LAMA2: variants seen among roughly 807,000 people sequenced by gnomAD.
LAMA2 encodes the protein laminin subunit alpha 2.
In LAMA2, 269 loss-of-function variants were observed where a neutral mutation model predicts 364.8. The ratio of observed to expected loss-of-function variants is 0.74; its 90% confidence interval spans 0.67 to 0.82. The LOEUF is 0.82. Ranked by LOEUF, LAMA2 falls within the 40% of genes least tolerant of loss-of-function variation. The pLI is 0.00. For synonymous variants in LAMA2, 1,379 were observed against 1,370.6 expected, an observed-to-expected ratio of 1.01 and a Z score of -0.14; for missense variants, 3,807 against 3,873.2, an observed-to-expected ratio of 0.98 and a Z score of 0.45.
intron 10 of LAMA2, among the ~76,000 whole-genome samples, chr6:129,179,033 A>C (rs1780777417): frequency 6.6e-6 from 1 of 152,116 alleles, no homozygotes; most frequent in Non-Finnish European, 1.5e-5. Context: ...GAATGTAGTA[A>C]ATTTTCTAAT....
intron 32 of LAMA2, among the ~76,000 whole-genome samples, chr6:129,363,332 G>T (rs1232492590): frequency 6.6e-6 from 1 of 152,048 alleles, no homozygotes; most frequent in Non-Finnish European, 1.5e-5. Flanking sequence ...AAATACTGAT[G>T]GTTAGACCTT....
At chr6:128,929,001 G>A (rs1779271701) in intron 1 of LAMA2, 4 of 1,302,188 alleles carry the variant, frequency 3.1e-6, no homozygotes, top group Non-Finnish European at 4.4e-6. Context: ...AGCAGAAGGA[G>A]TTAGATGAAG....
chr6:129,497,205 A>C (rs1785255189), intron 58 of LAMA2, among the ~76,000 whole-genome samples: 1 of 151,874 alleles, frequency 6.6e-6, no homozygotes, highest in Non-Finnish European at 1.5e-5. Flanking sequence ...GTCCTCTATA[A>C]TTTTCACTTC....
At chr6:128,902,294 A>T (rs752061228) in intron 1 of LAMA2, among the ~76,000 whole-genome samples, 6 of 152,228 alleles carry the variant, frequency 3.9e-5, no homozygotes, top group Non-Finnish European at 8.8e-5. Context: ...ACAGAATGCC[A>T]CTTTCCTATT....
intron 1 of LAMA2, among the ~76,000 whole-genome samples, chr6:129,021,907 A>T (rs982696105): frequency 3.9e-5 from 6 of 152,218 alleles, no homozygotes; most frequent in Non-Finnish European, 8.8e-5. Context: ...ACTCCTCCAG[A>T]ATGTGGTTTT....
At chr6:128,984,395 G>A (rs1421281738) in intron 1 of LAMA2, among the ~76,000 whole-genome samples, 3 of 152,032 alleles carry the variant, frequency 2.0e-5, no homozygotes, top group Admixed American at 6.6e-5. Context: ...CTCTTCTTAA[G>A]GGCCCATTCG....
chr6:129,410,731 TAG>T (rs1780496270), intron 40 of LAMA2, among the ~76,000 whole-genome samples: 226 of 39,314 alleles, frequency 5.7e-3, no homozygotes, highest in African/African-American at 0.033. Context: ...GATAGATAGA[TAG>T]ATAGATAGAT....
chr6:129,138,899 A>C (rs562011981), intron 4 of LAMA2, among the ~76,000 whole-genome samples: 1 of 152,234 alleles, frequency 6.6e-6, no homozygotes, highest in East Asian at 1.9e-4. Context: ...AAAGTTAGGA[A>C]GGATTAAAGT....
At chr6:129,082,851 TA>T (rs1774148951) in intron 3 of LAMA2, among the ~76,000 whole-genome samples, 1 of 152,290 alleles carries the variant, frequency 6.6e-6, no homozygotes, top group African/African-American at 2.4e-5. Context: ...TTTAATGCTT[TA>T]AAATTTTATT....
At chr6:129,277,891 CTATTT>C (rs1403265794) in intron 17 of LAMA2, among the ~76,000 whole-genome samples, 5 of 152,144 alleles carry the variant, frequency 3.3e-5, no homozygotes, top group African/African-American at 9.7e-5. Flanking sequence ...AATCTGAAAT[CTATTT>C]TATGAATAGC....
chr6:129,167,039 C>A (rs1779788188), intron 9 of LAMA2, among the ~76,000 whole-genome samples: 1 of 151,906 alleles, frequency 6.6e-6, no homozygotes, highest in Non-Finnish European at 1.5e-5. Context: ...ATTGTAAAAA[C>A]AATACATAGT....
At position 129,059,396 on chromosome 6, in the gene LAMA2, A is replaced by T. The variant is rs148144849; in HGVS notation, c.284-388A>T. Among the ~76,000 whole-genome samples the T allele has an allele frequency of 5.3e-5, 8 of 152,340 alleles. No individual in the cohort carries two copies. In the East Asian group the frequency reaches 9.6e-4, roughly 18 times the overall value. ...TTTTATGTTTCTGTTAACAAGGTTG[A>T]TGGCATACTAGAGCTGTCTCAATAG... On this transcript the variant is annotated intron_variant, in intron 2 of 64. Transcript: ENST00000421865.
chr6:128,960,877 T>C (rs1781445530), intron 1 of LAMA2, among the ~76,000 whole-genome samples: 1 of 152,162 alleles, frequency 6.6e-6, no homozygotes. Context: ...ATTTTTGAAG[T>C]TTTTAATATT....
chr6:129,514,040 G>A (rs183378248), intron 63 of LAMA2, among the ~76,000 whole-genome samples: 21 of 152,208 alleles, frequency 1.4e-4, no homozygotes, highest in African/African-American at 5.1e-4. Context: ...CTAAAAAGAC[G>A]TGAGGTAGAA....
chr6:128,995,734 A>AT (rs565207712), intron 1 of LAMA2, among the ~76,000 whole-genome samples: 110 of 152,106 alleles, frequency 7.2e-4, no homozygotes, highest in African/African-American at 2.5e-3. Context: ...TAAATCAGTA[A>AT]TTTTTTATGT....
chr6:129,123,204 G>C (rs940846486), intron 4 of LAMA2, among the ~76,000 whole-genome samples: 1 of 151,810 alleles, frequency 6.6e-6, no homozygotes, highest in Non-Finnish European at 1.5e-5. Context: ...TACTTGGGAG[G>C]CTGAGGCAGA....
intron 1 of LAMA2, among the ~76,000 whole-genome samples, chr6:128,950,541 G>A (rs938414101): frequency 6.6e-6 from 1 of 152,034 alleles, no homozygotes; most frequent in African/African-American, 2.4e-5. Context: ...AAGTGCCCAC[G>A]TCAGTGACAG....
chr6:129,096,595 G>T (rs989671781), intron 3 of LAMA2, among the ~76,000 whole-genome samples: 7 of 152,154 alleles, frequency 4.6e-5, no homozygotes, highest in Non-Finnish European at 8.8e-5. Flanking sequence ...AAAACAGAAT[G>T]CTCAAAGCCC....
Position 129,502,759 on chromosome 6 carries a change from A to T in LAMA2, c.8345A>T (p.Lys2782Ile), listed in dbSNP as rs1284148464. 6.2e-7 allele frequency: 1 copy of T among 1,609,508 alleles called. No individual in the cohort carries two copies. Among genetic ancestry groups the T allele is most frequent in the Non-Finnish European group, 8.5e-7 (1 of 1,175,856 alleles). The change falls in exon 59 of 65, where the codon AAA becomes ATA. Residue 2782 changes from lysine (K) to isoleucine (I), a missense_variant. By Grantham distance (102) the Lys-to-Ile change is moderately radical (BLOSUM62 -3). Transcript: ENST00000421865. ...ATTGCAATTGCATTTGATGACACCA[A>T]AGTTAAAAACCGGTATGTATCATCC... ...SHIAIAFDDT[K>I]VKNRLTIELE...
Sources: gnomAD v4.1 joint callset for allele counts (sites outside exome capture counted in the v4.1 genomes callset) on GRCh38, gnomAD v4.1.1 for gene constraint, MANE v1.5 for transcripts, NCBI Gene and HGNC (gene_info 2026-07-23, HGNC 2026-07-21) for gene names.